The following BICDL1 variants were observed in gnomAD, a reference collection of about 807,000 sequenced individuals.
BICDL1 encodes the protein BICD family like cargo adaptor 1, also known as BICD family-like cargo adapter 1.
In BICDL1, 20 loss-of-function variants were observed where a neutral mutation model predicts 76.8. The ratio of observed to expected loss-of-function variants is 0.26; its 90% confidence interval spans 0.18 to 0.38. The LOEUF (loss-of-function observed/expected upper bound fraction) is 0.38. Ranked by LOEUF, BICDL1 falls within the 10% of genes least tolerant of loss-of-function variation. The pLI, the probability that BICDL1 is intolerant of heterozygous loss-of-function variation, is 1.00. For missense variants in BICDL1, 700 were observed against 798.6 expected, an observed-to-expected ratio of 0.88 and a Z score of 1.49; for synonymous variants, 383 against 337.1, an observed-to-expected ratio of 1.14 and a Z score of -1.49.
chr12:120,031,277 C>G (rs951219854), intron 2 of BICDL1, among the ~76,000 whole-genome samples: 1 of 149,582 alleles, frequency 6.7e-6, no homozygotes, highest in Non-Finnish European at 1.5e-5. Flanking sequence ...AATCTCAGCT[C>G]ACTGCAAGCT....
chr12:119,989,838 C>A lies in BICDL1; in HGVS notation c.-31C>A, dbSNP rs1162927562. 3.2e-6 allele frequency: 4 copies of A among 1,255,068 alleles called. No individual in the cohort carries two copies. The highest frequency in any genetic ancestry group is 3.6e-5 in the East Asian group (1 of 27,850). The allele number at this position is 1,255,068 out of a possible 1,614,324, so 77.7% of individuals were successfully genotyped here. On this transcript the variant is annotated 5_prime_UTR_variant, in exon 1 of 10. Coordinates refer to ENST00000548673, the MANE Select transcript of BICDL1 (RefSeq NM_001367886.1). Reference sequence around the variant, plus strand: ...GCAGCCTGGCGCGCGCGGGCCGGGCCGCACCGCTGCGGGCTCCGCGCGCGC... The same window carrying A: ...GCAGCCTGGCGCGCGCGGGCCGGGCAGCACCGCTGCGGGCTCCGCGCGCGC...
chr12:119,996,802 G>C (rs1335167543), intron 1 of BICDL1, among the ~76,000 whole-genome samples: 12 of 152,260 alleles, frequency 7.9e-5, no homozygotes, highest in Non-Finnish European at 5.9e-5. Context: ...GAATGTTTCT[G>C]AGAGCATCAA....
At chr12:120,012,136 CCT>C (rs1951967019) in intron 2 of BICDL1, among the ~76,000 whole-genome samples, 1 of 152,138 alleles carries the variant, frequency 6.6e-6, no homozygotes, top group African/African-American at 2.4e-5. Context: ...GGCGGCTTCT[CCT>C]CTCACCCAAA....
chr12:120,061,604 A>T, intron 2 of BICDL1, 106 bp from the exon 3 acceptor site: 1 of 814,350 alleles, frequency 1.2e-6, no homozygotes, highest in Non-Finnish European at 2.1e-6. Flanking sequence ...AGTGCTCCTT[A>T]AAGAATAGAA....
intron 2 of BICDL1, among the ~76,000 whole-genome samples, chr12:120,034,526 C>T (rs1409332158): frequency 6.6e-6 from 1 of 152,144 alleles, no homozygotes; most frequent in Non-Finnish European, 1.5e-5. Context: ...TAAGATCATC[C>T]CAGAAATTCC....
intron 2 of BICDL1, among the ~76,000 whole-genome samples, chr12:120,045,076 GA>G (rs1301739837): frequency 1.3e-5 from 2 of 151,486 alleles, no homozygotes; most frequent in African/African-American, 4.9e-5. Context: ...AAATTTACAA[GA>G]AAAAAACAAC....
chr12:120,041,339 C>T (rs907749108), intron 2 of BICDL1, among the ~76,000 whole-genome samples: 4 of 152,150 alleles, frequency 2.6e-5, no homozygotes, highest in African/African-American at 2.4e-5. Flanking sequence ...AACCTGAACT[C>T]ATTATGTAAT....
At chr12:120,026,271 C>G (rs1952299657) in intron 2 of BICDL1, among the ~76,000 whole-genome samples, 1 of 152,050 alleles carries the variant, frequency 6.6e-6, no homozygotes, top group African/African-American at 2.4e-5. Flanking sequence ...ATCCTAATGT[C>G]TGTGATTTAT....
chr12:120,028,391 T>C (rs115747262), intron 2 of BICDL1, among the ~76,000 whole-genome samples: 1,889 of 152,212 alleles, frequency 0.012, 39 homozygotes, highest in East Asian at 0.044. Flanking sequence ...AAAATAGATA[T>C]TGGCTGGGCG....
intron 1 of BICDL1, among the ~76,000 whole-genome samples, chr12:119,997,012 G>A (rs1187760509): frequency 2.0e-5 from 3 of 151,052 alleles, no homozygotes; most frequent in Non-Finnish European, 2.9e-5. Flanking sequence ...GCAGTGGCGC[G>A]ATCTCGGCTC....
chr12:119,989,757 CGCGGCGCGAGGCGAGGCGCGGGACGCGGG>C lies in BICDL1; in HGVS notation c.-103_-75del. ...CTCGCGGGGACCCGGGGGCGCGTGC[CGCGGCGCGAGGCGAGGCGCGGGACGCGGG>C]GCGGCGCGGCAGGGCCCCTCCCCCC... On this transcript the variant is annotated 5_prime_UTR_variant, in exon 1 of 10. Transcript: ENST00000548673. The C allele has an allele frequency of 8.8e-6, 3 of 339,652 alleles. No individual in the cohort carries two copies. Among genetic ancestry groups the C allele is most frequent in the Non-Finnish European group, 1.2e-5 (3 of 243,840 alleles). The allele number at this position is 339,652 out of a possible 1,614,324, so 21.0% of individuals were successfully genotyped here.
Position 120,072,613 on chromosome 12 carries a change from A to G in BICDL1, c.1192A>G (p.Met398Val), listed in dbSNP as rs372129224. 1.9e-6 allele frequency: 3 copies of G among 1,614,096 alleles called. No individual in the cohort carries two copies. The highest frequency in any genetic ancestry group is 2.7e-5 in the African/African-American group (2 of 74,936). Reference sequence around the variant, plus strand: ...CTCAGCCGTCTCCACGGACTCCTCCATGGACGAGTCTTCAGAAACCTCGTC... The same window carrying G: ...CTCAGCCGTCTCCACGGACTCCTCCGTGGACGAGTCTTCAGAAACCTCGTC... ...ADSAVSTDSS[M>V]DESSETSSAK... The change falls in exon 6 of 10, where the codon ATG becomes GTG. Residue 398 changes from methionine (M) to valine (V), a missense_variant. Physicochemically the swap from Met to Val is conservative, Grantham distance 21 (BLOSUM62 1). Around this residue, in one of 3 missense-constraint regions of BICDL1, gnomAD observed 455 missense variants for 548.7 expected, o/e 0.83. Transcript: ENST00000548673.
chr12:120,073,856 C>T (rs533693862), intron 6 of BICDL1, among the ~76,000 whole-genome samples: 1 of 152,304 alleles, frequency 6.6e-6, no homozygotes, highest in East Asian at 1.9e-4. Context: ...CTTCCTTTCC[C>T]CCAAGCCTGA....
At chr12:120,091,160 C>G in intron 9 of BICDL1, 1 of 1,208,544 alleles carries the variant, frequency 8.3e-7, no homozygotes, top group Non-Finnish European at 1.1e-6. Context: ...CCTCAAGTCC[C>G]AGCTCCCTCC....
At chr12:120,026,048 G>T (rs570291375) in intron 2 of BICDL1, among the ~76,000 whole-genome samples, 1 of 152,160 alleles carries the variant, frequency 6.6e-6, no homozygotes, top group Non-Finnish European at 1.5e-5. Context: ...ATGTTGGCCA[G>T]GCTGGTCTCG....
Position 120,093,172 on chromosome 12 carries a change from G to A in BICDL1, c.*11G>A. ...TTCAGGAAAATTTAAGTTGGGAGGA[G>A]TCAGGCCACCAAAGATGGGTGGACT... On this transcript the variant is annotated 3_prime_UTR_variant, in exon 10 of 10. Transcript: ENST00000548673. 6.3e-7 allele frequency: 1 copy of A among 1,575,796 alleles called. No homozygotes were observed. The highest frequency in any genetic ancestry group is 8.6e-7 in the Non-Finnish European group (1 of 1,160,036).
chr12:120,072,822 T>C, intron 6 of BICDL1, 93 bp downstream of exon 6: 1 of 1,009,462 alleles, frequency 9.9e-7, no homozygotes, highest in Non-Finnish European at 1.5e-6. Context: ...GCCATGGAAC[T>C]GGAACCCTAT....
chr12:120,067,745 CTGAGA>C (rs1953251283), intron 4 of BICDL1, among the ~76,000 whole-genome samples: 1 of 152,250 alleles, frequency 6.6e-6, no homozygotes, highest in Non-Finnish European at 1.5e-5. Flanking sequence ...CTTCCTCCTG[CTGAGA>C]TGTGTGTGGA....
At chr12:120,040,921 A>G (rs1566237128) in intron 2 of BICDL1, among the ~76,000 whole-genome samples, 1 of 151,350 alleles carries the variant, frequency 6.6e-6, no homozygotes, top group Non-Finnish European at 1.5e-5. Context: ...TAATTTTTGT[A>G]TTTTTAGTAG....
Sources: gnomAD v4.1 joint callset for allele counts (sites outside exome capture counted in the v4.1 genomes callset) on GRCh38, gnomAD v4.1.1 for gene constraint, gnomAD v4.1.1 regional missense constraint, MANE v1.5 for transcripts, NCBI Gene and HGNC (gene_info 2026-07-23, HGNC 2026-07-21) for gene names.